The following COL28A1 variants were observed in gnomAD, a reference collection of about 807,000 sequenced individuals.
The protein encoded by COL28A1 is collagen alpha-1(XXVIII) chain.
Under a neutral mutation model 150.2 loss-of-function variants are expected in COL28A1, and 161 were observed. That is an observed-to-expected ratio of 1.07 (90% CI 0.94 to 1.22). COL28A1 has a LOEUF of 1.22. COL28A1 is among the 50% of genes most tolerant of loss of function. The pLI, the probability that COL28A1 is intolerant of heterozygous loss-of-function variation, is 0.00. For synonymous variants in COL28A1, 552 were observed against 469.7 expected, an observed-to-expected ratio of 1.18 and a Z score of -2.26; for missense variants, 1,617 against 1,388.3, an observed-to-expected ratio of 1.16 and a Z score of -2.62.
rs78271683 is a variant in COL28A1, at chr7:7,410,938, G to A, written c.2136+6921C>T. 4.2e-3 allele frequency among the ~76,000 whole-genome samples: 631 copies of A among 152,034 alleles called. 3 individuals are homozygous for A. The highest frequency in any genetic ancestry group is 0.014 in the African/African-American group (601 of 41,480). The stretch of plus-strand genomic sequence containing the variant: ...TTAGTTAAATTTCAACGAATAAATC[G>A]TTTCTATTTGGCCTTCAAGCATGGC... On this transcript the variant is annotated intron_variant, in intron 27 of 34. Coordinates refer to ENST00000399429, the MANE Select transcript of COL28A1 (RefSeq NM_001037763.3).
intron 17 of COL28A1, 103 bp from the exon 18 acceptor site, chr7:7,452,490 T>C: frequency 7.0e-7 from 1 of 1,438,182 alleles, no homozygotes. Flanking sequence ...AACAGTTTCA[T>C]GTGCTCAATT....
At chr7:7,529,345 C>T (rs1223191687) in intron 3 of COL28A1, among the ~76,000 whole-genome samples, 1 of 148,500 alleles carries the variant, frequency 6.7e-6, no homozygotes, top group Non-Finnish European at 1.5e-5. Flanking sequence ...CAATTTGTAA[C>T]ATTGAAAGTT....
At chr7:7,374,038 A>AAAAATATATAT in intron 31 of COL28A1, among the ~76,000 whole-genome samples, 4 of 113,656 alleles carry the variant, frequency 3.5e-5, no homozygotes, top group African/African-American at 1.5e-4. Context: ...AAAAAAAAAA[A>AAAAATATATAT]ATATATATAT....
intron 27 of COL28A1, among the ~76,000 whole-genome samples, chr7:7,388,972 T>C (rs1782369453): frequency 6.6e-6 from 1 of 152,194 alleles, no homozygotes; most frequent in Admixed American, 6.5e-5. Flanking sequence ...TGATAGTTTC[T>C]TTTGCTGTGC....
intron 1 of COL28A1, among the ~76,000 whole-genome samples, chr7:7,534,846 A>C (rs1782559464): frequency 6.6e-6 from 1 of 152,112 alleles, no homozygotes; most frequent in South Asian, 2.1e-4. Context: ...GACATTGTTA[A>C]TCTAGCTCTC....
At chr7:7,410,804 AT>A (rs1196565880) in intron 27 of COL28A1, among the ~76,000 whole-genome samples, 6 of 152,260 alleles carry the variant, frequency 3.9e-5, no homozygotes, top group African/African-American at 1.4e-4. Flanking sequence ...TGAAGGAAAA[AT>A]TCCTCATGTC....
chr7:7,383,680 G>GTATATATA (rs1366244976), intron 27 of COL28A1, among the ~76,000 whole-genome samples: 10 of 46,348 alleles, frequency 2.2e-4, no homozygotes, highest in Non-Finnish European at 3.1e-4. Flanking sequence ...GTGTGTGTGT[G>GTATATATA]TGTATATATA....
At chr7:7,443,755 C>T in intron 19 of COL28A1, 102 bp from the exon 20 acceptor site, 2 of 1,476,516 alleles carry the variant, frequency 1.4e-6, no homozygotes, top group Non-Finnish European at 1.8e-6. Context: ...TCAGCTGAGA[C>T]TCTCCAAAAC....
chr7:7,474,840 G>A (rs1788737539), intron 14 of COL28A1, among the ~76,000 whole-genome samples, 171 bp from the exon 15 acceptor site: 2 of 152,066 alleles, frequency 1.3e-5, no homozygotes, highest in Admixed American at 1.3e-4. Flanking sequence ...TTTGCAACTT[G>A]CAAAAAATAC....
chr7:7,344,659 A>AT, the COL28A1 span, among the ~76,000 whole-genome samples: 1 of 152,046 alleles, frequency 6.6e-6, no homozygotes, highest in Non-Finnish European at 1.5e-5. Context: ...AAGTAAGAGA[A>AT]TTTTTTTCTA....
chr7:7,353,398 A>G (rs1780274841), downstream of COL28A1, among the ~76,000 whole-genome samples: 1 of 152,086 alleles, frequency 6.6e-6, no homozygotes, highest in South Asian at 2.1e-4. Flanking sequence ...CTAATGAAAG[A>G]CACACAGGAA....
At chr7:7,521,994 C>T (rs1171401178) in intron 4 of COL28A1, 33 bp from the exon 5 acceptor site, 2 of 870,772 alleles carry the variant, frequency 2.3e-6, no homozygotes, top group Non-Finnish European at 4.0e-6. Context: ...TATTAACACA[C>T]AGTGAAATTC....
intron 34 of COL28A1, among the ~76,000 whole-genome samples, chr7:7,359,773 C>T (rs10486158): frequency 0.65 from 99,507 of 152,044 alleles, 36,454 homozygotes; most frequent in East Asian, 0.88. Flanking sequence ...ACTATGAAGA[C>T]TCCCTAGACC....
chr7:7,431,515 G>A, intron 25 of COL28A1: 1 of 471,038 alleles, frequency 2.1e-6, no homozygotes, highest in Non-Finnish European at 4.4e-6. Flanking sequence ...AGCCATCCTG[G>A]CGAGTCCCTG....
upstream of COL28A1, among the ~76,000 whole-genome samples, chr7:7,536,164 C>G (rs971834775): frequency 2.6e-5 from 4 of 152,034 alleles, no homozygotes; most frequent in African/African-American, 9.7e-5. Flanking sequence ...GATACTGGTT[C>G]TGAACATCTC....
chr7:7,397,062 T>G (rs531874100), intron 27 of COL28A1, among the ~76,000 whole-genome samples: 1 of 152,332 alleles, frequency 6.6e-6, no homozygotes, highest in African/African-American at 2.4e-5. Context: ...CTATTGCTGT[T>G]GTAATGAATT....
chr7:7,435,848 T>C (rs914203639), intron 23 of COL28A1, among the ~76,000 whole-genome samples: 1 of 152,166 alleles, frequency 6.6e-6, no homozygotes, highest in Non-Finnish European at 1.5e-5. Context: ...GATATGCTGG[T>C]TGACACCTAG....
chr7:7,440,960 C>A (rs1785731267), intron 20 of COL28A1, 99 bp from the exon 21 acceptor site: 2 of 657,120 alleles, frequency 3.0e-6, no homozygotes, highest in Non-Finnish European at 5.5e-6. Flanking sequence ...CGACTAATAC[C>A]AATTTTAAAG....
At chr7:7,519,460 C>T (rs1339360492) in intron 6 of COL28A1, among the ~76,000 whole-genome samples, 2 of 152,142 alleles carry the variant, frequency 1.3e-5, no homozygotes, top group Non-Finnish European at 2.9e-5. Flanking sequence ...AGAATTTTGC[C>T]TTAAATTTTC....
Sources: allele counts gnomAD v4.1 joint callset (sites outside exome capture counted in the v4.1 genomes callset), GRCh38; gene constraint gnomAD v4.1.1; transcripts MANE v1.5; gene names NCBI Gene and HGNC (gene_info 2026-07-23, HGNC 2026-07-21).